The following ST8SIA2 variants were observed in gnomAD, a reference collection of about 807,000 sequenced individuals.
The protein encoded by ST8SIA2 is alpha-2,8-sialyltransferase 8B.
A neutral mutation model predicts 37.6 loss-of-function variants in ST8SIA2; 22 were observed. The ratio of observed to expected loss-of-function variants is 0.58; its 90% CI spans 0.42 to 0.83. ST8SIA2 has a LOEUF of 0.83. Among genes scored for constraint, ST8SIA2 ranks in the 40% least tolerant of loss-of-function variants. The pLI, the probability that ST8SIA2 is intolerant of heterozygous loss-of-function variation, is 0.00. For missense variants in ST8SIA2, 382 were observed against 484.7 expected (o/e 0.79, Z 1.99); for synonymous variants, 205 against 201.2 (o/e 1.02, Z -0.16).
chr15:92,452,909 G>A (rs2049892403), intron 5 of ST8SIA2, among the ~76,000 whole-genome samples: 1 of 152,094 alleles, frequency 6.6e-6, no homozygotes, highest in South Asian at 2.1e-4. Flanking sequence ...GAGTCTGGGG[G>A]AAAGGGAAAA....
At chr15:92,405,377 A>C (rs2049500523) in intron 1 of ST8SIA2, among the ~76,000 whole-genome samples, 1 of 152,242 alleles carries the variant, frequency 6.6e-6, no homozygotes, top group South Asian at 2.1e-4. Context: ...TTGCAAGATG[A>C]AAAGAGTTCA....
intron 1 of ST8SIA2, among the ~76,000 whole-genome samples, chr15:92,402,039 C>T (rs1340599541): frequency 1.3e-5 from 2 of 152,076 alleles, no homozygotes; most frequent in Non-Finnish European, 2.9e-5. Flanking sequence ...ACTAAGATGT[C>T]CTTTCTTTTA....
At chr15:92,463,285 C>T (rs962698467) in intron 5 of ST8SIA2, among the ~76,000 whole-genome samples, 2 of 152,172 alleles carry the variant, frequency 1.3e-5, no homozygotes, top group Admixed American at 6.5e-5. Flanking sequence ...AGGCAGGAAG[C>T]GGGGACTCTG....
At chr15:92,444,048 C>T (rs946205761) in intron 4 of ST8SIA2, among the ~76,000 whole-genome samples, 5 of 152,106 alleles carry the variant, frequency 3.3e-5, no homozygotes, top group East Asian at 3.9e-4. Context: ...CCCATAAGAG[C>T]GATGACAACA....
chr15:92,405,702 A>G (rs1175445925), intron 1 of ST8SIA2, among the ~76,000 whole-genome samples: 1 of 152,240 alleles, frequency 6.6e-6, no homozygotes, highest in Non-Finnish European at 1.5e-5. Context: ...GGCTATAGAC[A>G]CAGAATTAGA....
intron 1 of ST8SIA2, among the ~76,000 whole-genome samples, chr15:92,398,119 G>C (rs149543303): frequency 0.068 from 10,366 of 152,150 alleles, 792 homozygotes; most frequent in East Asian, 0.31. Flanking sequence ...GGGCGACAGA[G>C]CGAGACTCCA....
chr15:92,408,501 A>G (rs977647335), intron 1 of ST8SIA2, among the ~76,000 whole-genome samples: 1 of 151,954 alleles, frequency 6.6e-6, no homozygotes, highest in Admixed American at 6.6e-5. Context: ...GGAAGGAGGG[A>G]AGGGATGAAG....
chr15:92,440,955 G>C (rs2049797221), intron 4 of ST8SIA2, among the ~76,000 whole-genome samples: 1 of 152,308 alleles, frequency 6.6e-6, no homozygotes, highest in Non-Finnish European at 1.5e-5. Context: ...CCCCCAGGTG[G>C]TGAGCTCCTC....
At chr15:92,427,399 G>A (rs563226512) in intron 1 of ST8SIA2, among the ~76,000 whole-genome samples, 22 of 151,928 alleles carry the variant, frequency 1.4e-4, no homozygotes, top group Non-Finnish European at 3.1e-4. Context: ...TTTGTTGAAT[G>A]AATAAGAAAA....
intron 5 of ST8SIA2, among the ~76,000 whole-genome samples, chr15:92,450,631 T>C (rs1226182503): frequency 1.3e-5 from 2 of 152,158 alleles, no homozygotes; most frequent in Admixed American, 6.5e-5. Flanking sequence ...CCAGATCTTA[T>C]GAGAACTCAC....
chr15:92,439,033 A>G (rs1172515162), intron 4 of ST8SIA2, among the ~76,000 whole-genome samples: 6 of 152,148 alleles, frequency 3.9e-5, no homozygotes, highest in Non-Finnish European at 8.8e-5. Flanking sequence ...GGGCACGGTT[A>G]AATCATTGGG....
intron 5 of ST8SIA2, among the ~76,000 whole-genome samples, chr15:92,458,911 G>A (rs994583810): frequency 2.6e-5 from 4 of 152,192 alleles, no homozygotes; most frequent in African/African-American, 7.2e-5. Context: ...CAGTCTGACT[G>A]GGGAGATGAC....
intron 1 of ST8SIA2, among the ~76,000 whole-genome samples, chr15:92,409,416 G>C (rs562698774): frequency 8.5e-5 from 13 of 152,334 alleles, no homozygotes; most frequent in Admixed American, 4.6e-4. Flanking sequence ...CTTCATCAGA[G>C]TCCCATTGTG....
chr15:92,441,795 T>A (rs2049805088), intron 4 of ST8SIA2, among the ~76,000 whole-genome samples: 1 of 152,174 alleles, frequency 6.6e-6, no homozygotes, highest in Non-Finnish European at 1.5e-5. Flanking sequence ...TATGGAGCAC[T>A]CTGTTTTTAT....
chr15:92,458,912 G>C (rs1445890667), intron 5 of ST8SIA2, among the ~76,000 whole-genome samples: 1 of 152,204 alleles, frequency 6.6e-6, no homozygotes, highest in Admixed American at 6.5e-5. Flanking sequence ...AGTCTGACTG[G>C]GGAGATGACA....
intron 4 of ST8SIA2, among the ~76,000 whole-genome samples, chr15:92,444,407 C>A (rs2049825264): frequency 6.6e-6 from 1 of 152,190 alleles, no homozygotes; most frequent in African/African-American, 2.4e-5. Flanking sequence ...GCATTTACAT[C>A]CACAGGGTCT....
intron 3 of ST8SIA2, among the ~76,000 whole-genome samples, chr15:92,435,440 G>A (rs1451765679): frequency 1.3e-5 from 2 of 152,092 alleles, no homozygotes; most frequent in African/African-American, 2.4e-5. Context: ...CAAGGAATAG[G>A]GGGGTAAGGT....
At position 92,464,232 on chromosome 15, in the gene ST8SIA2, C is replaced by T. The variant is rs747194361; in HGVS notation, c.975C>T (p.Asn325=). 3.1e-6 allele frequency: 5 copies of T among 1,614,066 alleles called. No homozygotes were observed. The highest frequency in any genetic ancestry group is 4.2e-6 in the Non-Finnish European group (5 of 1,180,014). The change falls in exon 6 of 6, where the codon AAC becomes AAT. Residue 325 remains asparagine (N), a synonymous_variant. Transcript: ENST00000268164. ...FWPFPLDQNQ[N]PVKYHYYDSL... ...CCTTTCCGCTGGATCAGAACCAGAA[C>T]CCAGTCAAGTACCACTATTATGACA... is the stretch of plus-strand genomic sequence containing the variant.
intron 3 of ST8SIA2, among the ~76,000 whole-genome samples, chr15:92,437,765 G>A (rs1248418169): frequency 6.6e-6 from 1 of 152,178 alleles, no homozygotes. Flanking sequence ...AGGAGTGAGA[G>A]GCGCCTGTCA....
Sources: allele counts gnomAD v4.1 joint callset (sites outside exome capture counted in the v4.1 genomes callset), GRCh38; gene constraint gnomAD v4.1.1; transcripts MANE v1.5; gene names NCBI Gene and HGNC (gene_info 2026-07-23, HGNC 2026-07-21).